TRIO: variants seen among roughly 807,000 people sequenced by gnomAD.
TRIO encodes trio Rho guanine nucleotide exchange factor.
TRIO carries 58 observed loss-of-function variants against 351.9 expected under a neutral mutation model. The ratio of observed to expected loss-of-function variants is 0.16; its 90% CI spans 0.13 to 0.21. The LOEUF (loss-of-function observed/expected upper bound fraction) is 0.21. Among genes scored for constraint, TRIO ranks in the 10% least tolerant of loss-of-function variants. The pLI is 1.00. For synonymous variants in TRIO, 1,758 were observed against 1,595.7 expected, an observed-to-expected ratio of 1.10 and a Z score of -2.42; for missense variants, 3,201 against 4,027.8, an observed-to-expected ratio of 0.79 and a Z score of 5.56.
intron 1 of TRIO, among the ~76,000 whole-genome samples, chr5:14,216,269 T>C (rs1261183749): frequency 6.6e-6 from 1 of 152,230 alleles, no homozygotes; most frequent in Non-Finnish European, 1.5e-5. Context: ...GATTCTGTTT[T>C]CTCTTAGGTA....
intron 1 of TRIO, among the ~76,000 whole-genome samples, chr5:14,225,290 A>G (rs1418344564): frequency 2.0e-5 from 3 of 152,232 alleles, no homozygotes; most frequent in African/African-American, 7.2e-5. Flanking sequence ...AAATCTGTGG[A>G]ACCCGAAAAT....
intron 38 of TRIO, 145 bp from the exon 39 acceptor site, chr5:14,472,447 A>G: frequency 1.2e-6 from 1 of 831,838 alleles, no homozygotes; most frequent in Non-Finnish European, 1.8e-6. Context: ...GTGATTTGGG[A>G]CTCTCCAGAA....
chr5:14,323,290 G>A (rs1740049984), intron 9 of TRIO, among the ~76,000 whole-genome samples: 1 of 152,122 alleles, frequency 6.6e-6, no homozygotes. Context: ...ATAAAAGCAA[G>A]CCTTGGAAAA....
chr5:14,154,984 C>T (rs1788026144), intron 1 of TRIO, among the ~76,000 whole-genome samples: 1 of 152,168 alleles, frequency 6.6e-6, no homozygotes, highest in Non-Finnish European at 1.5e-5. Context: ...TGTAGTATAT[C>T]TTTTATTTTA....
intron 21 of TRIO, among the ~76,000 whole-genome samples, chr5:14,382,604 G>A (rs1746205386): frequency 6.6e-6 from 1 of 152,224 alleles, no homozygotes; most frequent in South Asian, 2.1e-4. Flanking sequence ...CTCTAAGGAG[G>A]GCCGCCCCAC....
chr5:14,292,133 T>C (rs1736968795), intron 5 of TRIO, among the ~76,000 whole-genome samples: 1 of 152,266 alleles, frequency 6.6e-6, no homozygotes, highest in Non-Finnish European at 1.5e-5. Flanking sequence ...TTATATTACA[T>C]GGACAGGAGA....
At chr5:14,403,720 TGTG>T (rs1344022333) in intron 31 of TRIO, among the ~76,000 whole-genome samples, 10 of 28,164 alleles carry the variant, frequency 3.6e-4, no homozygotes, top group South Asian at 2.2e-3. Context: ...GGGTGTAGGT[TGTG>T]GTGAGGGTGC....
intron 6 of TRIO, among the ~76,000 whole-genome samples, chr5:14,294,010 T>TAA (rs113119352): frequency 0.15 from 8,667 of 59,742 alleles, 335 homozygotes; most frequent in Non-Finnish European, 0.19. Flanking sequence ...ACCCCATCTC[T>TAA]AAAAAAAAAA....
rs988297042 is a variant in TRIO, at chr5:14,211,365, G to T, written c.158-59460G>T. On this transcript the variant is annotated intron_variant, in intron 1 of 56. Transcript: ENST00000344204. ...TTAGACCTGTTTATAAGCAAACCTG[G>T]CATAAAGCTCATATTTTTAAATGGC... is the stretch of plus-strand genomic sequence containing the variant. 1.3e-5 allele frequency among the ~76,000 whole-genome samples: 2 copies of T among 152,124 alleles called. 1 individual carries two copies. Among genetic ancestry groups the T allele is most frequent in the South Asian group, 4.1e-4 (2 of 4,824 alleles).
intron 34 of TRIO, among the ~76,000 whole-genome samples, chr5:14,450,827 G>C (rs74948451): frequency 0.03 from 4,563 of 152,264 alleles, 103 homozygotes; most frequent in African/African-American, 0.049. Flanking sequence ...TGCAGAGAAG[G>C]AGAGAACCCC....
chr5:14,178,817 G>C lies in TRIO; in HGVS notation c.157+34935G>C, dbSNP rs920706509. Among the ~76,000 whole-genome samples the C allele has an allele frequency of 5.5e-4, 84 of 152,178 alleles. 1 individual carries two copies. The highest frequency in any genetic ancestry group is 3.2e-4 in the Non-Finnish European group (22 of 68,020). ...CAAGGAGAGTGGTCACAGGGGTGCT[G>C]CTGAGTCAGCACCTCCTGTCAGTGG... is the stretch of plus-strand genomic sequence containing the variant. On this transcript the variant is annotated intron_variant, in intron 1 of 56. Transcript: ENST00000344204.
chr5:14,377,945 ATG>A, intron 19 of TRIO, 65 bp from the exon 20 acceptor site: 1 of 1,220,976 alleles, frequency 8.2e-7, no homozygotes, highest in Non-Finnish European at 1.2e-6. Flanking sequence ...ATAAAAATGA[ATG>A]GAATTTCGCG....
intron 7 of TRIO, among the ~76,000 whole-genome samples, chr5:14,298,942 A>G (rs1470159406): frequency 2.6e-5 from 4 of 152,240 alleles, no homozygotes; most frequent in Admixed American, 6.5e-5. Flanking sequence ...ACAAAGTAGC[A>G]ATACCCTCGA....
chr5:14,339,312 A>G (rs1003021173), intron 11 of TRIO, among the ~76,000 whole-genome samples: 3 of 152,194 alleles, frequency 2.0e-5, no homozygotes, highest in Non-Finnish European at 4.4e-5. Flanking sequence ...GTTTTTAAGG[A>G]ACAATCTTCT....
At chr5:14,235,012 G>A (rs1251159458) in intron 1 of TRIO, among the ~76,000 whole-genome samples, 1 of 152,082 alleles carries the variant, frequency 6.6e-6, no homozygotes, top group African/African-American at 2.4e-5. Flanking sequence ...TTATAGTCCA[G>A]TAATTTGGAA....
chr5:14,379,810 G>A (rs781090358), intron 20 of TRIO, among the ~76,000 whole-genome samples: 1 of 152,198 alleles, frequency 6.6e-6, no homozygotes, highest in African/African-American at 2.4e-5. Flanking sequence ...CCTGAAGTGC[G>A]TGCTGTTGCA....
At chr5:14,188,066 A>G (rs1790233667) in intron 1 of TRIO, among the ~76,000 whole-genome samples, 1 of 152,242 alleles carries the variant, frequency 6.6e-6, no homozygotes, top group Non-Finnish European at 1.5e-5. Context: ...GTAACTTTTG[A>G]ATAGTGAACA....
chr5:14,347,102 C>T (rs1742493455), intron 11 of TRIO, among the ~76,000 whole-genome samples: 1 of 125,066 alleles, frequency 8.0e-6, no homozygotes, highest in African/African-American at 3.1e-5. Flanking sequence ...TGAGGTCCTG[C>T]AGAACAGAGA....
intron 1 of TRIO, among the ~76,000 whole-genome samples, chr5:14,231,013 G>A (rs565166937): frequency 1.3e-5 from 2 of 152,176 alleles, no homozygotes; most frequent in African/African-American, 4.8e-5. Context: ...ACTTGCCAAT[G>A]CCTAGTTCTT....
Sources: allele counts gnomAD v4.1 joint callset (sites outside exome capture counted in the v4.1 genomes callset), GRCh38; gene constraint gnomAD v4.1.1; transcripts MANE v1.5; gene names NCBI Gene and HGNC (gene_info 2026-07-23, HGNC 2026-07-21).